The following ZBTB7B variants were observed in gnomAD, a reference collection of about 807,000 sequenced individuals.
The protein encoded by ZBTB7B is zinc finger and BTB domain containing 7B.
ZBTB7B carries 8 observed loss-of-function variants against 31.0 expected under a neutral mutation model. That is an observed-to-expected ratio of 0.26 (90% confidence interval 0.15 to 0.47). The LOEUF is 0.47. Among genes scored for constraint, ZBTB7B ranks in the 20% least tolerant of loss-of-function variants. ZBTB7B has a pLI of 0.99. For missense variants in ZBTB7B, 494 were observed against 742.4 expected (o/e 0.67, Z 3.89); for synonymous variants, 261 against 307.3 (o/e 0.85, Z 1.58).
intron 2 of ZBTB7B, 85 bp downstream of exon 2, chr1:155,015,899 G>A (rs1486552511): frequency 4.0e-6 from 6 of 1,512,376 alleles, no homozygotes; most frequent in African/African-American, 1.4e-5. Context: ...TAGGAGACCC[G>A]AGGTGGTGGT....
intron 1 of ZBTB7B, among the ~76,000 whole-genome samples, chr1:155,008,980 C>T (rs1199956308): frequency 2.0e-5 from 3 of 152,236 alleles, no homozygotes; most frequent in African/African-American, 2.4e-5. Context: ...GGCCCCTCAG[C>T]GTTCAGGTGA....
At chr1:155,009,167 G>C (rs938033800) in intron 1 of ZBTB7B, among the ~76,000 whole-genome samples, 1 of 152,144 alleles carries the variant, frequency 6.6e-6, no homozygotes, top group Admixed American at 6.5e-5. Flanking sequence ...GTGTTTAAGG[G>C]GACCCGAGCA....
chr1:155,004,368 G>A lies in ZBTB7B; in HGVS notation c.-7+1425G>A, dbSNP rs1393909788. 6.6e-6 allele frequency among the ~76,000 whole-genome samples: 1 copy of A among 152,158 alleles called. No individual in the cohort carries two copies. The highest frequency in any genetic ancestry group is 1.5e-5 in the Non-Finnish European group (1 of 68,026). On this transcript the variant is annotated intron_variant, in intron 1 of 2. Transcript: ENST00000535420. This position sits in a 1 kb window ranked among gnomAD's most constrained non-coding sequence, Gnocchi z 4.0. The stretch of plus-strand genomic sequence containing the variant: ...AGGAGGGAGACCGCTTATCAGGGAC[G>A]GGGGAACCAGATTGGGCTGTGAGGG...
At chr1:155,002,265 A>G (rs1658269221), upstream of ZBTB7B, among the ~76,000 whole-genome samples, 3 of 149,188 alleles carry the variant, frequency 2.0e-5, no homozygotes, top group African/African-American at 7.4e-5. Flanking sequence ...GCAGCAGCAA[A>G]GGGCTGGATG....
chr1:155,002,340 G>GA (rs1457877561), upstream of ZBTB7B, among the ~76,000 whole-genome samples: 7 of 149,988 alleles, frequency 4.7e-5, no homozygotes, highest in Non-Finnish European at 7.4e-5. Context: ...AAAGGGGGGG[G>GA]AGAGAGGGAC....
chr1:155,010,005 G>C (rs192824700), intron 1 of ZBTB7B, among the ~76,000 whole-genome samples: 1 of 152,204 alleles, frequency 6.6e-6, no homozygotes, highest in African/African-American at 2.4e-5. Flanking sequence ...ACTTGTGGAG[G>C]GAAGACAAGG....
In ZBTB7B at chr1:155,016,406, C is replaced by T. The variant is rs1420423947; in HGVS notation, c.1341C>T (p.Arg447=). The change falls in exon 3 of 3, where the codon CGC becomes CGT. Residue 447 remains arginine, a synonymous_variant. Transcript: ENST00000535420. This position sits in a 1 kb window ranked among gnomAD's most constrained non-coding sequence, Gnocchi z 4.3. ...TCGCCAAGGAGGACCACCTGCAGCG[C>T]CACCTCAAAGGCCAGAACTGCCTGG... ...KAFAKEDHLQ[R]HLKGQNCLEV... The T allele has an allele frequency of 6.2e-7, 1 of 1,614,166 alleles. No homozygotes were observed. Among genetic ancestry groups the T allele is most frequent in the Admixed American group, 1.7e-5 (1 of 60,028 alleles).
chr1:155,014,057 C>T (rs1659185531), intron 1 of ZBTB7B: 1 of 986,104 alleles, frequency 1.0e-6, no homozygotes, highest in African/African-American at 1.7e-5. Flanking sequence ...GTTAAAGCAC[C>T]TGTCTGTGCC....
Position 155,015,005 on chromosome 1 carries a change from C to T in ZBTB7B, c.345C>T (p.Ser115=), listed in dbSNP as rs753140920. 1.5e-5 allele frequency: 24 copies of T among 1,613,836 alleles called. No homozygotes were observed. Among genetic ancestry groups the T allele is most frequent in the Middle Eastern group, 3.3e-4 (2 of 6,084 alleles). The change falls in exon 2 of 3, where the codon AGC becomes AGT. Residue 115 remains serine (S), a synonymous_variant. Transcript: ENST00000535420. The part of the protein sequence containing the change: ...FAYTATLTTS[S]ANMPAVLQAA... ...ATACAGCCACACTGACCACCAGCAGCGCCAACATGCCAGCTGTGCTCCAGG... is the reference window on the plus strand; with the variant it reads ...ATACAGCCACACTGACCACCAGCAGTGCCAACATGCCAGCTGTGCTCCAGG...
Position 155,015,591 on chromosome 1 carries a change from G to A in ZBTB7B, c.931G>A (p.Asp311Asn), listed in dbSNP as rs138808667. ...GCTGGGCTCAGATGAGGATGCCATC[G>A]ATCCTGACCTGATGGCCTACCTAAG... The part of the protein sequence containing the change: ...EELGSDEDAI[D>N]PDLMAYLSSL... Residue 311 changes from aspartate (D) to asparagine (N), a missense_variant, in exon 2 of 3, where the codon GAT (aspartate) becomes AAT (asparagine). By Grantham distance (23) the Asp-to-Asn change is conservative. This residue lies in a region of ZBTB7B where 216 missense variants were observed against 229.3 expected (regional missense o/e 0.94). Transcript: ENST00000535420. 20 of 1,613,566 alleles carry A rather than the reference G, an allele frequency of 1.2e-5. No individual in the cohort carries two copies. Among genetic ancestry groups the A allele is most frequent in the Admixed American group, 6.7e-5 (4 of 60,010 alleles).
In ZBTB7B at chr1:155,014,874, A is replaced by T. The variant is rs1483198158; in HGVS notation, c.214A>T (p.Met72Leu). 4 of 1,614,100 alleles carry T rather than the reference A, an allele frequency of 2.5e-6. No individual in the cohort carries two copies. Among genetic ancestry groups the T allele is most frequent in the Non-Finnish European group, 3.4e-6 (4 of 1,180,024 alleles). Residue 72 changes from methionine to leucine, a missense_variant, in exon 2 of 3, where the codon ATG becomes TTG. By Grantham distance (15) the Met-to-Leu change is conservative. Around this residue, in one of 5 missense-constraint regions of ZBTB7B, gnomAD observed 90 missense variants for 143.2 expected, o/e 0.63. Transcript: ENST00000535420. ...CACTGAGGGCGGTGGCGGAGCTGTCATGGGGGCCGGGGGTAGCGGGACGGC... is the reference window on the plus strand; with the variant it reads ...CACTGAGGGCGGTGGCGGAGCTGTCTTGGGGGCCGGGGGTAGCGGGACGGC... ...LFTEGGGGAV[M>L]GAGGSGTATG...
intron 1 of ZBTB7B, chr1:155,010,180 G>C (rs922077257): frequency 6.6e-6 from 1 of 152,542 alleles, no homozygotes; most frequent in Admixed American, 6.5e-5. Context: ...TCCCTTGATG[G>C]GGACTAAGGG....
rs748376077 is a variant in ZBTB7B at position 155,014,801 on chromosome 1, C to G, written c.141C>G (p.Thr47=). Residue 47 remains threonine, a synonymous_variant, in exon 2 of 3, where the codon ACC becomes ACG. Coordinates refer to ENST00000535420, the MANE Select transcript of ZBTB7B (RefSeq NM_001256455.2). ...GGACGCAGGGCCTTGAATACCGCAC[C>G]CACAGGGCTGTGCTAGCTGCCTGTA... ...TIRTQGLEYR[T]HRAVLAACSH... is the part of the protein sequence containing the mutation. 2 of 1,614,222 alleles carry G rather than the reference C, an allele frequency of 1.2e-6. No homozygotes were observed. Among genetic ancestry groups the G allele is most frequent in the Non-Finnish European group, 1.7e-6 (2 of 1,180,038 alleles).
At chr1:155,009,827 G>C (rs542897026) in intron 1 of ZBTB7B, among the ~76,000 whole-genome samples, 106 of 152,284 alleles carry the variant, frequency 7.0e-4, no homozygotes, top group African/African-American at 2.4e-3. Context: ...GGAATGGATG[G>C]TTGGAGCAGG....
Position 155,016,533 on chromosome 1 carries a change from C to T in ZBTB7B, c.1468C>T (p.His490Tyr). The change falls in exon 3 of 3, where the codon CAC (histidine) becomes TAC (tyrosine). Residue 490 changes from histidine to tyrosine, a missense_variant. Transcript: ENST00000535420. This position sits in a 1 kb window ranked among gnomAD's most constrained non-coding sequence, Gnocchi z 4.3. ...CGCTGGCCTCGACCTCTCCAATGGC[C>T]ACCTGGACACCTTCCGCCTCTCTCT... ...SPAGLDLSNGHLDTFRLSLAR... is the reference protein window; with the variant it reads ...SPAGLDLSNGYLDTFRLSLAR... 1 of 1,614,090 alleles carries T rather than the reference C, an allele frequency of 6.2e-7. No individual in the cohort carries two copies. The highest frequency in any genetic ancestry group is 8.5e-7 in the Non-Finnish European group (1 of 1,179,958).
chr1:155,013,014 C>T lies in ZBTB7B; in HGVS notation c.-6-1641C>T, dbSNP rs538531083. ...GTAGCTAGTAGTAGCTTGGTTCCCTCAGGGTGATTTGAGGGAGGGAGGCAG... is the reference window on the plus strand; with the variant it reads ...GTAGCTAGTAGTAGCTTGGTTCCCTTAGGGTGATTTGAGGGAGGGAGGCAG... On this transcript the variant is annotated intron_variant, in intron 1 of 2. Transcript: ENST00000535420. Among the ~76,000 whole-genome samples, 18 of 152,186 alleles carry T rather than the reference C, an allele frequency of 1.2e-4. No homozygotes were observed. The South Asian group carries it at 3.7e-3, about 32-fold the overall frequency.
Position 155,016,190 on chromosome 1 carries a change from C to T in ZBTB7B, c.1155-30C>T, listed in dbSNP as rs77208839. On this transcript the variant is annotated intron_variant, in intron 2 of 2. Coordinates refer to ENST00000535420, the MANE Select transcript of ZBTB7B (RefSeq NM_001256455.2). This position sits in a 1 kb window ranked among gnomAD's most constrained non-coding sequence, Gnocchi z 4.3. The stretch of plus-strand genomic sequence containing the variant: ...GAGCCAGGGATCCCATCCTGAACAC[C>T]TCCCTGCCCCTCACCCCTGCCTGTG... 3.4e-3 allele frequency: 5,383 copies of T among 1,599,856 alleles called. 143 individuals carry two copies. The African/African-American group carries it at 0.064, about 19-fold the overall frequency.
At position 155,004,427 on chromosome 1, in the gene ZBTB7B, G is replaced by C. The variant is rs1317711803; in HGVS notation, c.-7+1484G>C. Among the ~76,000 whole-genome samples, 4 of 152,148 alleles carry C rather than the reference G, an allele frequency of 2.6e-5. No homozygotes were observed. The highest frequency in any genetic ancestry group is 9.7e-5 in the African/African-American group (4 of 41,420). On this transcript the variant is annotated intron_variant, in intron 1 of 2. Transcript: ENST00000535420. This position sits in a 1 kb window ranked among gnomAD's most constrained non-coding sequence, Gnocchi z 4.0. ...AGGATGGGAACTGTCTGGTCCCTAA[G>C]GGAGTATGTGTGAGTGTGGGGATGA...
chr1:155,017,003 C>T lies in ZBTB7B; in HGVS notation c.*318C>T, dbSNP rs1046826019. On this transcript the variant is annotated 3_prime_UTR_variant, in exon 3 of 3. Transcript: ENST00000535420. ...ATAATGTATTTCTAATTTGTGGGTC[C>T]CACTTCGGCTATGCGGGTTTCTAGG... 3.8e-6 allele frequency: 1 copy of T among 263,896 alleles called. No homozygotes were observed. Among genetic ancestry groups the T allele is most frequent in the Non-Finnish European group, 7.2e-6 (1 of 137,936 alleles). 16.3% of individuals were successfully genotyped at this position (263,896 alleles called of 1,614,324 possible). A position where few individuals can be genotyped will look rare whatever the true frequency, so the allele number is the denominator to read the frequency against.
Sources: allele counts gnomAD v4.1 joint callset (sites outside exome capture counted in the v4.1 genomes callset), GRCh38; gene constraint gnomAD v4.1.1; regional missense constraint gnomAD v4.1.1; non-coding constraint Gnocchi (gnomAD v3.1); transcripts MANE v1.5; gene names NCBI Gene and HGNC (gene_info 2026-07-23, HGNC 2026-07-21).